MGAT4C: variants seen among roughly 807,000 people sequenced by gnomAD.
MGAT4C encodes the protein MGAT4 family member C, also known as alpha-1,3-mannosyl-glycoprotein 4-beta-N-acetylglucosaminyltransferase C.
A neutral mutation model predicts 40.1 loss-of-function variants in MGAT4C; 19 were observed. That is an observed-to-expected ratio of 0.47 (90% CI 0.33 to 0.70). The LOEUF (loss-of-function observed/expected upper bound fraction) is 0.70, where lower values mean the gene tolerates loss of function less well. MGAT4C is among the 30% of genes least tolerant of loss of function. The pLI, the probability that MGAT4C is intolerant of heterozygous loss-of-function variation, is 0.02. For missense variants in MGAT4C, 491 were observed against 563.2 expected, an observed-to-expected ratio of 0.87 and a Z score of 1.30; for synonymous variants, 181 against 187.1, an observed-to-expected ratio of 0.97 and a Z score of 0.27.
In MGAT4C at chr12:86,803,944, C is replaced by T. The variant is rs1444239636; in HGVS notation, c.-262+34722G>A. Among the ~76,000 whole-genome samples, 9 of 142,630 alleles carry T rather than the reference C, an allele frequency of 6.3e-5. No homozygotes were observed. In the East Asian group the frequency reaches 1.3e-3, roughly 20 times the overall value. 93.6% of individuals were successfully genotyped at this position (142,630 alleles called of 152,430 possible). ...TATACCCAAATGACTATAAATCATG[C>T]TGCTATAAAGACACATGCACACGTA... On this transcript the variant is annotated intron_variant, in intron 1 of 7. Transcript: ENST00000548651.
chr12:86,060,620 T>C (rs1045280205), intron 1 of MGAT4C, among the ~76,000 whole-genome samples: 1 of 152,198 alleles, frequency 6.6e-6, no homozygotes, highest in Admixed American at 6.6e-5. Context: ...TGTATAATCT[T>C]TCAATTTGCA....
intron 2 of MGAT4C, among the ~76,000 whole-genome samples, chr12:86,654,078 A>G (rs1028238672): frequency 3.9e-5 from 6 of 152,008 alleles, no homozygotes; most frequent in East Asian, 1.9e-4. Context: ...AGCACTAAAC[A>G]AAAAAGTCTA....
chr12:86,243,330 A>C (rs1187568128), intron 1 of MGAT4C, among the ~76,000 whole-genome samples: 1 of 152,226 alleles, frequency 6.6e-6, no homozygotes, highest in Non-Finnish European at 1.5e-5. Flanking sequence ...GCTGACAGTC[A>C]CTTAGAGGTC....
intron 3 of MGAT4C, among the ~76,000 whole-genome samples, chr12:86,374,981 T>C (rs768535755): frequency 9.9e-5 from 15 of 152,168 alleles, no homozygotes; most frequent in Non-Finnish European, 2.2e-4. Context: ...TATTTTTTCA[T>C]GCTAGGAATG....
At chr12:86,276,724 T>C (rs953032870) in intron 4 of MGAT4C, among the ~76,000 whole-genome samples, 2 of 152,216 alleles carry the variant, frequency 1.3e-5, no homozygotes, top group Non-Finnish European at 2.9e-5. Flanking sequence ...CTTAACATAA[T>C]GACCTCCAGT....
At chr12:86,347,016 C>T (rs574523723) in intron 3 of MGAT4C, among the ~76,000 whole-genome samples, 50 of 152,224 alleles carry the variant, frequency 3.3e-4, no homozygotes, top group African/African-American at 1.2e-3. Flanking sequence ...CAGGGGCTCT[C>T]GGGCCTTTGG....
chr12:86,649,551 CTGTTA>C (rs1307127491), intron 2 of MGAT4C, among the ~76,000 whole-genome samples: 2 of 151,710 alleles, frequency 1.3e-5, no homozygotes, highest in Admixed American at 6.6e-5. Flanking sequence ...AAATATTATT[CTGTTA>C]TAAGAAGAGA....
At chr12:86,417,389 G>A (rs1045158985) in intron 3 of MGAT4C, among the ~76,000 whole-genome samples, 5 of 151,924 alleles carry the variant, frequency 3.3e-5, no homozygotes, top group African/African-American at 7.2e-5. Context: ...AAGTAAAAAC[G>A]TAAGTAATCA....
intron 2 of MGAT4C, among the ~76,000 whole-genome samples, chr12:86,522,189 A>G (rs577634760): frequency 2.6e-5 from 4 of 152,256 alleles, no homozygotes; most frequent in Admixed American, 2.6e-4. Context: ...ACAGGTTTCA[A>G]GAGGAATGCT....
At position 86,204,523 on chromosome 12, in the gene MGAT4C, A is replaced by T. The variant is rs560173047; in HGVS notation, c.-57+51716T>A. Among the ~76,000 whole-genome samples the T allele has an allele frequency of 3.9e-5, 6 of 152,284 alleles. No individual in the cohort carries two copies. In the South Asian group the frequency reaches 1.2e-3, roughly 32 times the overall value. ...AAAATTAAGCAAATATATTTCAATG[A>T]CTAGAGTAGCATCAAAACCATTGGA... On this transcript the variant is annotated intron_variant, in intron 1 of 4. Transcript: ENST00000611864.
At chr12:86,141,844 G>A (rs930218823) in intron 1 of MGAT4C, among the ~76,000 whole-genome samples, 36 of 152,102 alleles carry the variant, frequency 2.4e-4, no homozygotes, top group Admixed American at 2.6e-4. Context: ...TATTTCTGGT[G>A]GCTTCAGCGA....
chr12:86,396,963 T>A (rs913173692), intron 3 of MGAT4C, among the ~76,000 whole-genome samples: 1 of 152,214 alleles, frequency 6.6e-6, no homozygotes, highest in African/African-American at 2.4e-5. Context: ...AGAAGCTTTT[T>A]TCAATCTACG....
intron 1 of MGAT4C, among the ~76,000 whole-genome samples, chr12:86,830,868 T>C (rs1393833127): frequency 6.6e-6 from 1 of 151,814 alleles, no homozygotes; most frequent in Non-Finnish European, 1.5e-5. Flanking sequence ...CACTCTACAT[T>C]TCCAAAGAAC....
chr12:86,559,347 C>A lies in MGAT4C; in HGVS notation c.-228-124082G>T, dbSNP rs112394341. ...ACAGACATTTAGAGAAGATTTAATT[C>A]AACAGCCACAGAAGACATATTCTTA... On this transcript the variant is annotated intron_variant, in intron 2 of 7. Coordinates refer to the MGAT4C transcript ENST00000548651. Among the ~76,000 whole-genome samples, 496 of 151,958 alleles carry A rather than the reference C, an allele frequency of 3.3e-3. 2 individuals are homozygous for A. The highest frequency in any genetic ancestry group is 0.012 in the African/African-American group (483 of 41,510).
At chr12:86,760,309 T>C (rs1455477604) in intron 1 of MGAT4C, among the ~76,000 whole-genome samples, 3 of 151,992 alleles carry the variant, frequency 2.0e-5, no homozygotes, top group Non-Finnish European at 4.4e-5. Flanking sequence ...CTTAAAACTA[T>C]CAAATCACTA....
At chr12:86,256,639 A>G (rs1411918790), upstream of MGAT4C, among the ~76,000 whole-genome samples, 1 of 152,158 alleles carries the variant, frequency 6.6e-6, no homozygotes, top group African/African-American at 2.4e-5. Context: ...TGATTTACCT[A>G]ATTAATTAAT....
At chr12:86,502,429 C>G (rs556660192) in intron 2 of MGAT4C, among the ~76,000 whole-genome samples, 1 of 151,738 alleles carries the variant, frequency 6.6e-6, no homozygotes. Context: ...ATGGCAGATA[C>G]ATAACATTAT....
upstream of MGAT4C, among the ~76,000 whole-genome samples, chr12:86,257,632 A>C (rs563048214): frequency 1.3e-5 from 2 of 152,348 alleles, no homozygotes; most frequent in East Asian, 3.9e-4. Context: ...TTCCCTCTGC[A>C]TTTACAGTGA....
chr12:86,381,880 G>T (rs887000275), intron 3 of MGAT4C, among the ~76,000 whole-genome samples: 1 of 152,072 alleles, frequency 6.6e-6, no homozygotes, highest in African/African-American at 2.4e-5. Context: ...TTAAAAATGG[G>T]AGTCTCCCTG....
Sources: gnomAD v4.1 joint callset for allele counts (sites outside exome capture counted in the v4.1 genomes callset) on GRCh38, gnomAD v4.1.1 for gene constraint, MANE v1.5 for transcripts, NCBI Gene and HGNC (gene_info 2026-07-23, HGNC 2026-07-21) for gene names.